SPEG: variants seen among roughly 807,000 people sequenced by gnomAD.
SPEG encodes striated muscle enriched protein kinase.
A neutral mutation model predicts 300.4 loss-of-function variants in SPEG; 114 were observed. The ratio of observed to expected loss-of-function variants is 0.38; its 90% CI spans 0.33 to 0.44. The LOEUF is 0.44. SPEG is among the 20% of genes least tolerant of loss of function. The probability of loss-of-function intolerance (pLI) is 1.00; values close to 1 mark genes in which losing one functional copy is unlikely to be tolerated. For synonymous variants in SPEG, 1,964 were observed against 2,018.9 expected (o/e 0.97, Z 0.73); for missense variants, 4,201 against 4,586.2 (o/e 0.92, Z 2.43).
chr2:219,487,932 C>T (rs1380709741), intron 31 of SPEG, among the ~76,000 whole-genome samples: 2 of 152,178 alleles, frequency 1.3e-5, no homozygotes, highest in Non-Finnish European at 2.9e-5. Flanking sequence ...ATTTACAAAC[C>T]CATGACATAA....
intron 13 of SPEG, among the ~76,000 whole-genome samples, chr2:219,470,204 G>A (rs1023920288): frequency 6.6e-6 from 1 of 152,184 alleles, no homozygotes; most frequent in African/African-American, 2.4e-5. Flanking sequence ...AGGCCTATAA[G>A]GCGGATACTA....
intron 1 of SPEG, chr2:219,442,071 G>A (rs1354945730): frequency 4.2e-6 from 5 of 1,194,180 alleles, no homozygotes; most frequent in African/African-American, 1.6e-5. Flanking sequence ...TGTGGGTGAA[G>A]AAGCGTTTCC....
Position 219,445,783 on chromosome 2 carries a change from G to A in SPEG, c.815+622G>A. On this transcript the variant is annotated intron_variant, in intron 3 of 40. Coordinates refer to ENST00000312358, the MANE Select transcript of SPEG (RefSeq NM_005876.5). The surrounding 1 kb of genome is among the most constrained non-coding windows in gnomAD (Gnocchi z 6.1). The stretch of plus-strand genomic sequence containing the variant: ...GGGAAAGGGAGGGGCTGGAAATGGG[G>A]CCAGGCCAGAGGGAGAGGGCGGGAG... 1 of 160,084 alleles carries A rather than the reference G, an allele frequency of 6.2e-6. No individual in the cohort carries two copies. The highest frequency in any genetic ancestry group is 1.4e-5 in the Non-Finnish European group (1 of 72,006). The allele number at this position is 160,084 out of a possible 1,614,324, so 9.9% of individuals were successfully genotyped here. A position where few individuals can be genotyped will look rare whatever the true frequency, so the allele number is the denominator to read the frequency against.
chr2:219,435,431 A>G, intron 1 of SPEG, 66 bp downstream of exon 1: 1 of 1,456,690 alleles, frequency 6.9e-7, no homozygotes, highest in African/African-American at 1.5e-5. Context: ...AGGGCTGCCC[A>G]GGCCACGCGG....
chr2:219,488,497 G>C lies in SPEG; in HGVS notation c.7859-1G>C, dbSNP rs774709263. On this transcript the variant is annotated splice_acceptor_variant, in intron 32 of 40. Transcript: ENST00000312358. LOFTEE classifies it high-confidence loss of function. ...CAACTCCTGCTCCTCCCTGTCCCCA[G>C]ACAAGAAGTCCTTGAGGTCAGAGCC... 6.4e-7 allele frequency: 1 copy of C among 1,564,712 alleles called. No homozygotes were observed. The highest frequency in any genetic ancestry group is 1.4e-5 in the African/African-American group (1 of 73,636).
rs372553349 is a variant in SPEG, at chr2:219,485,368, G to C, written c.7632G>C (p.Arg2544=). 8 of 1,606,340 alleles carry C rather than the reference G, an allele frequency of 5.0e-6. No homozygotes were observed. The African/African-American group carries it at 1.1e-4, about 22-fold the overall frequency. ...GSSAPGESRS[R]LRWGFSRPRK... ...CAGCCCCAGGGGAAAGCCGAAGCCG[G>C]CTCCGCTGGGGCTTCTCTCGGCCGC... Residue 2544 remains arginine (R), a synonymous_variant, in exon 31 of 41, where the codon CGG becomes CGC. Coordinates refer to ENST00000312358, the MANE Select transcript of SPEG (RefSeq NM_005876.5).
At position 219,464,745 on chromosome 2, in the gene SPEG, A is replaced by G. The variant is rs1423605223; in HGVS notation, c.2881+137A>G. ...AGGGGCCCCTAGTCCAGCTGCTTAT[A>G]TTATTGTTGAGTGAACCAAAGCCCA... is the stretch of plus-strand genomic sequence containing the variant. On this transcript the variant is annotated intron_variant, in intron 9 of 40. Coordinates refer to ENST00000312358, the MANE Select transcript of SPEG (RefSeq NM_005876.5). This position sits in a 1 kb window ranked among gnomAD's most constrained non-coding sequence, Gnocchi z 4.5. 1.2e-5 allele frequency: 9 copies of G among 748,982 alleles called. No individual in the cohort carries two copies. The highest frequency in any genetic ancestry group is 1.8e-5 in the African/African-American group (1 of 56,518). The allele number at this position is 748,982 out of a possible 1,614,324, so 46.4% of individuals were successfully genotyped here. A position where few individuals can be genotyped will look rare whatever the true frequency, so the allele number is the denominator to read the frequency against.
rs1192876960 is a variant in SPEG, at chr2:219,481,606, T to C, written c.5523-32T>C. On this transcript the variant is annotated intron_variant, in intron 27 of 40. Transcript: ENST00000312358. This position sits in a 1 kb window ranked among gnomAD's most constrained non-coding sequence, Gnocchi z 5.4. ...TATTGACTCACTGATGACTGAACGATAAATCCCTTCTTAATCCTCATTCAT... is the reference window on the plus strand; with the variant it reads ...TATTGACTCACTGATGACTGAACGACAAATCCCTTCTTAATCCTCATTCAT... The C allele has an allele frequency of 6.2e-7, 1 of 1,613,210 alleles. No homozygotes were observed. The highest frequency in any genetic ancestry group is 1.3e-5 in the African/African-American group (1 of 74,900).
In SPEG at chr2:219,483,718, C is replaced by T. The variant is rs1199317126; in HGVS notation, c.6255C>T (p.Ser2085=). Residue 2085 remains serine (S), a synonymous_variant, in exon 30 of 41, where the codon AGC becomes AGT. Transcript: ENST00000312358. The part of the protein sequence containing the change: ...LRGGPEDGKV[S]GLRGPLLESL... ...GAGGCCCCGAGGATGGCAAGGTCAGCGGCCTCAGGGGTCCCCTGCTGGAGA... is the reference window on the plus strand; with the variant it reads ...GAGGCCCCGAGGATGGCAAGGTCAGTGGCCTCAGGGGTCCCCTGCTGGAGA... The T allele has an allele frequency of 1.2e-5, 19 of 1,534,864 alleles. No homozygotes were observed. The highest frequency in any genetic ancestry group is 1.7e-5 in the Non-Finnish European group (19 of 1,147,144).
Position 219,434,967 on chromosome 2 carries a change from T to G in SPEG, c.-11T>G, listed in dbSNP as rs1954673865. ...AGTTCCGGCGTCCCCCCAGCCCAGC[T>G]CTCAGTGGCCATGCAGAAAGCCCGG... On this transcript the variant is annotated 5_prime_UTR_variant, in exon 1 of 41. Transcript: ENST00000312358. 3 of 1,500,588 alleles carry G rather than the reference T, an allele frequency of 2.0e-6. No homozygotes were observed. In the Admixed American group the frequency reaches 6.3e-5, roughly 31 times the overall value. 93.0% of individuals were successfully genotyped at this position (1,500,588 alleles called of 1,614,324 possible). A position where few individuals can be genotyped will look rare whatever the true frequency, so the allele number is the denominator to read the frequency against.
Position 219,449,086 on chromosome 2 carries a change from G to T in SPEG, c.1928G>T (p.Trp643Leu). ...PPAQAVRFLP[W>L]ATPGLEGAAV... ...GCGCAGGCCGTGCGCTTCCTGCCCT[G>T]GGCCACGCCGGGCCTGGAGGGCGCT... Residue 643 changes from tryptophan to leucine, a missense_variant, in exon 4 of 41, where the codon TGG becomes TTG. By Grantham distance (61) the Trp-to-Leu change is moderately conservative (BLOSUM62 -2). This residue lies in a region of SPEG where 1,258 missense variants were observed against 1,293.9 expected (regional missense o/e 0.97). Coordinates refer to ENST00000312358, the MANE Select transcript of SPEG (RefSeq NM_005876.5). 1.3e-6 allele frequency: 2 copies of T among 1,503,022 alleles called. No individual in the cohort carries two copies. The highest frequency in any genetic ancestry group is 2.9e-5 in the African/African-American group (2 of 68,550). 93.1% of individuals were successfully genotyped at this position (1,503,022 alleles called of 1,614,324 possible).
chr2:219,451,088 C>T lies in SPEG; in HGVS notation c.2114-48C>T, dbSNP rs1393063610. 1 of 1,539,652 alleles carries T rather than the reference C, an allele frequency of 6.5e-7. No individual in the cohort carries two copies. ...CCAGGACTCTCTCTCCCGCTGTCATCCCTGCAGGGATCATGGCCCCTTACC... is the reference window on the plus strand; with the variant it reads ...CCAGGACTCTCTCTCCCGCTGTCATTCCTGCAGGGATCATGGCCCCTTACC... On this transcript the variant is annotated intron_variant, in intron 4 of 40. Transcript: ENST00000312358. The surrounding 1 kb of genome is among the most constrained non-coding windows in gnomAD (Gnocchi z 6.4).
rs763611660 is a variant in SPEG, at chr2:219,483,373, C to A, written c.5910C>A (p.Pro1970=). The change falls in exon 30 of 41, where the codon CCC becomes CCA. Residue 1970 remains proline, a synonymous_variant. Coordinates refer to ENST00000312358, the MANE Select transcript of SPEG (RefSeq NM_005876.5). ...LGTPETGAAT[P]MDWQEQGRAP... ...CCCCAGAGACTGGGGCTGCCACCCC[C>A]ATGGACTGGCAGGAGCAGGGAAGGG... 6.2e-7 allele frequency: 1 copy of A among 1,603,782 alleles called. No homozygotes were observed. The highest frequency in any genetic ancestry group is 8.5e-7 in the Non-Finnish European group (1 of 1,177,150).
chr2:219,491,807 GA>G lies in SPEG; in HGVS notation c.9401del (p.Lys3134ArgfsTer90). On this transcript the variant is annotated frameshift_variant, in exon 39 of 41. Transcript: ENST00000312358. LOFTEE classifies it high-confidence loss of function. Reference protein sequence around the residue: ...TLEFMAPEMVKGEPIGSATDI... With the variant: ...TLEFMAPEMVXGEPIGSATDI... ...GTCTCCTGTCAGCTCCGGAGATGGTGAAGGGAGAACCCATCGGCTCTGCCAC... is the reference window on the plus strand; with the variant it reads ...GTCTCCTGTCAGCTCCGGAGATGGTGAGGGAGAACCCATCGGCTCTGCCAC... The G allele has an allele frequency of 6.2e-7, 1 of 1,613,122 alleles. No individual in the cohort carries two copies.
At chr2:219,461,245 T>C (rs1169324286) in intron 6 of SPEG, 2 of 986,018 alleles carry the variant, frequency 2.0e-6, no homozygotes, top group Non-Finnish European at 2.4e-6. Flanking sequence ...ACTCCAGCTC[T>C]GCTTTCCTAT....
In SPEG at chr2:219,459,150, T is replaced by TG. The variant is rs1690432432; in HGVS notation, c.2441-2727dup. Among the ~76,000 whole-genome samples the TG allele has an allele frequency of 6.6e-6, 1 of 151,998 alleles. No homozygotes were observed. Among genetic ancestry groups the TG allele is most frequent in the African/African-American group, 2.4e-5 (1 of 41,372 alleles). On this transcript the variant is annotated intron_variant, in intron 6 of 40. Transcript: ENST00000312358. This position sits in a 1 kb window ranked among gnomAD's most constrained non-coding sequence, Gnocchi z 4.9. ...GGCAGACATGAGCATGGGGTCAGCG[T>TG]GGGGGATTGGGAGCCAGTGTGAAGG...
intron 4 of SPEG, chr2:219,450,892 G>A (rs1218135811): frequency 4.8e-6 from 2 of 417,598 alleles, no homozygotes; most frequent in Admixed American, 4.1e-5. Flanking sequence ...GGATGAAGTT[G>A]AGGAACGGCC....
Position 219,448,205 on chromosome 2 carries a change from C to T in SPEG, c.1047C>T (p.Thr349=), listed in dbSNP as rs766887061. 5.0e-6 allele frequency: 8 copies of T among 1,612,530 alleles called. No homozygotes were observed. The highest frequency in any genetic ancestry group is 6.8e-6 in the Non-Finnish European group (8 of 1,179,632). ...TQEPVLPEDT[T]TEEKRGKKSK... ...AGCCTGTGCTGCCCGAGGACACCAC[C>T]ACCGAAGAGAAGCGAGGGAAGAAGT... Residue 349 remains threonine (T), a synonymous_variant, in exon 4 of 41, where the codon ACC becomes ACT. Coordinates refer to ENST00000312358, the MANE Select transcript of SPEG (RefSeq NM_005876.5).
chr2:219,456,069 G>A (rs1183105884), intron 6 of SPEG, among the ~76,000 whole-genome samples: 1 of 152,236 alleles, frequency 6.6e-6, no homozygotes, highest in Non-Finnish European at 1.5e-5. Context: ...CACCAGCCAG[G>A]CCACCTACTT....
Sources: gnomAD v4.1 joint callset for allele counts (sites outside exome capture counted in the v4.1 genomes callset) on GRCh38, gnomAD v4.1.1 for gene constraint, gnomAD v4.1.1 regional missense constraint, Gnocchi (gnomAD v3.1) non-coding constraint, MANE v1.5 for transcripts, NCBI Gene and HGNC (gene_info 2026-07-23, HGNC 2026-07-21) for gene names.